Variants in MAP3K7CL observed in about 807,000 individuals in gnomAD.
The protein encoded by MAP3K7CL is MAP3K7 C-terminal-like protein.
In MAP3K7CL, 16 loss-of-function variants were observed where a neutral mutation model predicts 18.6. The ratio of observed to expected loss-of-function variants is 0.86; its 90% CI spans 0.58 to 1.31. MAP3K7CL has a LOEUF of 1.31. Ranked by LOEUF, MAP3K7CL falls within the 50% of genes most tolerant of loss-of-function variation. The pLI is 0.00. For missense variants in MAP3K7CL, 163 were observed against 174.4 expected (o/e 0.93, Z 0.37); for synonymous variants, 65 against 66.8 (o/e 0.97, Z 0.13).
chr21:29,152,367 A>G (rs1234453785), intron 3 of MAP3K7CL, among the ~76,000 whole-genome samples: 2 of 152,238 alleles, frequency 1.3e-5, no homozygotes, highest in Non-Finnish European at 2.9e-5. Context: ...TGCTTTATGT[A>G]CAAAAGGAAC....
upstream of MAP3K7CL, chr21:29,127,700 C>A (rs915458688): frequency 6.6e-6 from 1 of 152,184 alleles, no homozygotes; most frequent in Non-Finnish European, 1.5e-5. Flanking sequence ...CCTTTACCAA[C>A]TGGGCATCTA....
At chr21:29,157,098 T>C (rs1394108871) in intron 3 of MAP3K7CL, among the ~76,000 whole-genome samples, 2 of 152,218 alleles carry the variant, frequency 1.3e-5, no homozygotes, top group African/African-American at 4.8e-5. Context: ...GAAATAATTT[T>C]TTTTGCATTG....
intron 3 of MAP3K7CL, among the ~76,000 whole-genome samples, chr21:29,158,371 T>G (rs2251381): frequency 0.44 from 66,767 of 152,044 alleles, 14,872 homozygotes; most frequent in Middle Eastern, 0.49. Flanking sequence ...GTTCCAACAG[T>G]CTGAGTTTAT....
At chr21:29,133,278 T>C in intron 1 of MAP3K7CL, 28 bp from the exon 2 acceptor site, 1 of 1,522,858 alleles carries the variant, frequency 6.6e-7, no homozygotes, top group Non-Finnish European at 8.9e-7. Context: ...CTGGATAAAG[T>C]GACAATGGCT....
chr21:29,157,708 C>T (rs1360714005), intron 3 of MAP3K7CL, among the ~76,000 whole-genome samples: 2 of 152,118 alleles, frequency 1.3e-5, no homozygotes, highest in Non-Finnish European at 2.9e-5. Flanking sequence ...TCTTGAATTT[C>T]CCACAATTAA....
chr21:29,117,025 G>C (rs985802779), intron 4 of MAP3K7CL, among the ~76,000 whole-genome samples: 19 of 152,080 alleles, frequency 1.2e-4, no homozygotes, highest in Non-Finnish European at 1.9e-4. Flanking sequence ...TGCTCACCTT[G>C]AGTAAGGCTT....
At position 29,149,348 on chromosome 21, in the gene MAP3K7CL, A is replaced by G. The variant is rs1257367647; in HGVS notation, c.132+98A>G. On this transcript the variant is annotated intron_variant, in intron 3 of 4. Transcript: ENST00000399928. ...GCCTGACTAGGGGAGACTGACTTGG[A>G]CCCAGAATGTGGGGCTTTGAAGTCA... The G allele has an allele frequency of 3.6e-5, 38 of 1,043,998 alleles. No individual in the cohort carries two copies. The East Asian group carries it at 9.1e-4, about 25-fold the overall frequency. The allele number at this position is 1,043,998 out of a possible 1,614,324, so 64.7% of individuals were successfully genotyped here. A position where few individuals can be genotyped will look rare whatever the true frequency, so the allele number is the denominator to read the frequency against.
At chr21:29,173,685 T>A (rs1391111284) in intron 4 of MAP3K7CL, among the ~76,000 whole-genome samples, 2 of 152,214 alleles carry the variant, frequency 1.3e-5, no homozygotes, top group Non-Finnish European at 1.5e-5. Context: ...ACACATGGAC[T>A]GAAGATCTTT....
In MAP3K7CL at chr21:29,175,006, A is replaced by G. The variant is rs1445047773; in HGVS notation, c.*114A>G. The G allele has an allele frequency of 2.0e-6, 2 of 1,019,180 alleles. No individual in the cohort carries two copies. Among genetic ancestry groups the G allele is most frequent in the African/African-American group, 1.6e-5 (1 of 61,682 alleles). 63.1% of individuals were successfully genotyped at this position (1,019,180 alleles called of 1,614,324 possible). On this transcript the variant is annotated 3_prime_UTR_variant, in exon 5 of 5. Coordinates refer to ENST00000399928, the MANE Select transcript of MAP3K7CL (RefSeq NM_001286620.2). Reference sequence around the variant, plus strand: ...TCTATTGCTTCTCTGTATTACCCACATGACAACTGTCTATAATGAGTTTAC... The same window carrying G: ...TCTATTGCTTCTCTGTATTACCCACGTGACAACTGTCTATAATGAGTTTAC...
intron 1 of MAP3K7CL, among the ~76,000 whole-genome samples, chr21:29,090,026 T>C (rs2085995905): frequency 6.6e-6 from 1 of 152,196 alleles, no homozygotes; most frequent in African/African-American, 2.4e-5. Flanking sequence ...TTCGACCCAT[T>C]TCCTTGCCTT....
chr21:29,094,128 GA>G (rs763002027), intron 4 of MAP3K7CL, among the ~76,000 whole-genome samples: 110 of 152,320 alleles, frequency 7.2e-4, no homozygotes, highest in Non-Finnish European at 1.4e-3. Context: ...TCCCCCAGGG[GA>G]TATTTGGCAA....
chr21:29,109,196 G>A (rs1195808890), intron 4 of MAP3K7CL: 10 of 1,535,248 alleles, frequency 6.5e-6, no homozygotes, highest in Non-Finnish European at 8.7e-6. Context: ...ATGGACATAG[G>A]GAAGGGTGGG....
chr21:29,145,904 CTTTA>C (rs3842446), intron 2 of MAP3K7CL, among the ~76,000 whole-genome samples: 69,430 of 151,466 alleles, frequency 0.46, 16,000 homozygotes, highest in East Asian at 0.61. Context: ...TTTGAAGCTA[CTTTA>C]TTTATCTGTA....
chr21:29,080,474 A>G (rs2085817945), intron 1 of MAP3K7CL: 1 of 152,260 alleles, frequency 6.6e-6, no homozygotes, highest in Admixed American at 6.5e-5. Flanking sequence ...TTGTAACCTT[A>G]GTGTAGGGAA....
chr21:29,170,017 G>C (rs1193781500), intron 4 of MAP3K7CL, among the ~76,000 whole-genome samples: 1 of 152,112 alleles, frequency 6.6e-6, no homozygotes, highest in Non-Finnish European at 1.5e-5. Context: ...TGAAGGAAAC[G>C]ATACAAATAG....
chr21:29,081,236 G>A (rs190091955), upstream of MAP3K7CL, among the ~76,000 whole-genome samples: 171 of 152,310 alleles, frequency 1.1e-3, 1 homozygote, highest in Non-Finnish European at 1.7e-3. Flanking sequence ...TTACCTGGAG[G>A]AGGTTTTCTG....
chr21:29,106,357 A>G (rs1421960291), intron 4 of MAP3K7CL, among the ~76,000 whole-genome samples: 1 of 152,026 alleles, frequency 6.6e-6, no homozygotes, highest in East Asian at 1.9e-4. Context: ...CTAATTTTGT[A>G]TTTTTAGTAG....
intron 3 of MAP3K7CL, among the ~76,000 whole-genome samples, chr21:29,158,427 T>C (rs2087459165): frequency 6.6e-6 from 1 of 152,212 alleles, no homozygotes; most frequent in Admixed American, 6.5e-5. Context: ...CTACCTAATA[T>C]GATTATTATG....
chr21:29,142,157 C>T (rs1163673172), intron 2 of MAP3K7CL, among the ~76,000 whole-genome samples: 1 of 152,070 alleles, frequency 6.6e-6, no homozygotes, highest in Non-Finnish European at 1.5e-5. Context: ...CTCAACCTCC[C>T]ATTCTCAAGT....
Sources: allele counts gnomAD v4.1 joint callset (sites outside exome capture counted in the v4.1 genomes callset), GRCh38; gene constraint gnomAD v4.1.1; transcripts MANE v1.5; gene names NCBI Gene and HGNC (gene_info 2026-07-23, HGNC 2026-07-21).